Variants in RCC1 observed in about 807,000 individuals in gnomAD.
RCC1 encodes the protein regulator of chromosome condensation 1, also known as regulator of chromosome condensation.
A neutral mutation model predicts 44.4 loss-of-function variants in RCC1; 11 were observed. That is an observed-to-expected ratio of 0.25 (90% confidence interval 0.16 to 0.41). The LOEUF (loss-of-function observed/expected upper bound fraction) is 0.41. Among genes scored for constraint, RCC1 ranks in the 10% least tolerant of loss-of-function variants. The pLI is 1.00. For synonymous variants in RCC1, 213 were observed against 216.5 expected, an observed-to-expected ratio of 0.98 and a Z score of 0.14; for missense variants, 386 against 547.1, an observed-to-expected ratio of 0.71 and a Z score of 2.94.
At chr1:28,535,479 G>T (rs190842863) in intron 9 of RCC1, 99 bp downstream of exon 9, 1 of 1,563,486 alleles carries the variant, frequency 6.4e-7, no homozygotes, top group African/African-American at 1.3e-5. Context: ...GCTTGCATCA[G>T]ATGGGCTTGT....
rs965810321 is a variant in RCC1, at chr1:28,538,209, G to T, written c.*202G>T. ...TTTTCCTGGGACCTACAGAATAAAG[G>T]GGGGGATGGACAGGGGGTTTTCAAA... On this transcript the variant is annotated 3_prime_UTR_variant, in exon 13 of 13. Transcript: ENST00000683442. 4.1e-5 allele frequency: 21 copies of T among 509,770 alleles called. No homozygotes were observed. The highest frequency in any genetic ancestry group is 2.0e-4 in the East Asian group (6 of 30,620). 31.6% of individuals were successfully genotyped at this position (509,770 alleles called of 1,614,324 possible).
At position 28,538,168 on chromosome 1, in the gene RCC1, T is replaced by G; in HGVS notation, c.*161T>G. 5.4e-6 allele frequency: 3 copies of G among 552,294 alleles called. No individual in the cohort carries two copies. Among genetic ancestry groups the G allele is most frequent in the Non-Finnish European group, 3.0e-6 (1 of 334,158 alleles). 34.2% of individuals were successfully genotyped at this position (552,294 alleles called of 1,614,324 possible). On this transcript the variant is annotated 3_prime_UTR_variant, in exon 13 of 13. Transcript: ENST00000683442. Reference sequence around the variant, plus strand: ...GAACAGAATCCTTTTCCTCTTTTCCTTCCTCCTCTTTGGAATTTTCCTGGG... The same window carrying G: ...GAACAGAATCCTTTTCCTCTTTTCCGTCCTCCTCTTTGGAATTTTCCTGGG...
chr1:28,513,385 G>T (rs1281789023), intron 3 of RCC1, among the ~76,000 whole-genome samples: 1 of 151,970 alleles, frequency 6.6e-6, no homozygotes, highest in African/African-American at 2.4e-5. Flanking sequence ...AGTAGAGATG[G>T]GGTTTCACCA....
chr1:28,527,387 G>C (rs1193383419), intron 4 of RCC1, among the ~76,000 whole-genome samples: 3 of 152,138 alleles, frequency 2.0e-5, no homozygotes, highest in African/African-American at 7.2e-5. Context: ...CTTCAGGCGT[G>C]CACCACCATG....
rs147581580 is a variant in RCC1 at position 28,536,573 on chromosome 1, A to G, written c.938-174A>G. Among the ~76,000 whole-genome samples, 506 of 152,264 alleles carry G rather than the reference A, an allele frequency of 3.3e-3. 1 individual carries two copies. Among genetic ancestry groups the G allele is most frequent in the Non-Finnish European group, 6.4e-3 (437 of 68,012 alleles). ...CCAAGTGTGAGTTCAATGGGGGCCCATGTAGATTCTCCTAGGCCTCCTCCA... is the reference window on the plus strand; with the variant it reads ...CCAAGTGTGAGTTCAATGGGGGCCCGTGTAGATTCTCCTAGGCCTCCTCCA... On this transcript the variant is annotated intron_variant, in intron 11 of 12. Transcript: ENST00000683442. This position sits in a 1 kb window ranked among gnomAD's most constrained non-coding sequence, Gnocchi z 4.9.
intron 3 of RCC1, among the ~76,000 whole-genome samples, chr1:28,511,694 C>G (rs1260848125): frequency 6.7e-6 from 1 of 150,272 alleles, no homozygotes; most frequent in Admixed American, 6.7e-5. Flanking sequence ...TCTAATCTCA[C>G]TCTGTCTCCA....
intron 4 of RCC1, among the ~76,000 whole-genome samples, chr1:28,522,529 C>T (rs1260741090): frequency 2.0e-5 from 3 of 151,712 alleles, no homozygotes; most frequent in East Asian, 1.9e-4. Context: ...TGAATGAGGC[C>T]GGGCATGGTA....
chr1:28,508,548 T>C (rs1317169300), intron 2 of RCC1: 1 of 517,020 alleles, frequency 1.9e-6, no homozygotes, highest in African/African-American at 1.9e-5. Context: ...AATTCCTCAC[T>C]AATGAGCATT....
intron 5 of RCC1, among the ~76,000 whole-genome samples, chr1:28,531,304 G>A (rs374230643): frequency 1.6e-4 from 20 of 125,900 alleles, no homozygotes; most frequent in African/African-American, 5.7e-4. Flanking sequence ...TCACTCTGTC[G>A]CCCAGACTGG....
intron 3 of RCC1, among the ~76,000 whole-genome samples, chr1:28,514,126 C>T (rs1662723484): frequency 1.3e-5 from 2 of 150,688 alleles, no homozygotes; most frequent in South Asian, 4.2e-4. Context: ...GAGATCGTGC[C>T]AGCCTAGGCA....
intron 1 of RCC1, 117 bp downstream of exon 1, chr1:28,506,201 C>CT (rs56695711): frequency 0.14 from 52,350 of 367,252 alleles, 742 homozygotes; most frequent in African/African-American, 0.19. Flanking sequence ...TATTTATTTA[C>CT]TTTTTTTTTT....
chr1:28,530,493 C>G, intron 5 of RCC1: 1 of 1,580,338 alleles, frequency 6.3e-7, no homozygotes, highest in Non-Finnish European at 8.6e-7. Flanking sequence ...AAGTGTGGAC[C>G]CACGCTCAGA....
chr1:28,508,838 A>T lies in RCC1; in HGVS notation c.-220A>T. 1.9e-6 allele frequency: 1 copy of T among 517,216 alleles called. No individual in the cohort carries two copies. Among genetic ancestry groups the T allele is most frequent in the East Asian group, 5.5e-5 (1 of 18,334 alleles). 32.0% of individuals were successfully genotyped at this position (517,216 alleles called of 1,614,324 possible). A position where few individuals can be genotyped will look rare whatever the true frequency, so the allele number is the denominator to read the frequency against. On this transcript the variant is annotated 5_prime_UTR_variant, in exon 3 of 13. Coordinates refer to ENST00000683442, the MANE Select transcript of RCC1 (RefSeq NM_001381865.2). ...TATTTCTTTTCTTTTAGGAGAGAAG[A>T]CGATCTGCACTTCGCATTTTGGCAT... is the stretch of plus-strand genomic sequence containing the variant.
intron 3 of RCC1, 149 bp downstream of exon 3, chr1:28,509,054 C>T (rs1662288378): frequency 1.4e-5 from 5 of 369,184 alleles, no homozygotes. Flanking sequence ...GCTGCAACCT[C>T]AGCCTCCCAA....
chr1:28,509,268 TG>T (rs1662310001), intron 3 of RCC1: 1 of 213,240 alleles, frequency 4.7e-6, no homozygotes, highest in Admixed American at 5.3e-5. Context: ...ACTGTGTTGG[TG>T]GTTATATTAA....
intron 4 of RCC1, among the ~76,000 whole-genome samples, chr1:28,524,112 G>A (rs973457316): frequency 2.0e-5 from 3 of 152,320 alleles, no homozygotes; most frequent in Admixed American, 2.0e-4. Context: ...ACCGTGCCCG[G>A]CCACAAAGAT....
intron 4 of RCC1, among the ~76,000 whole-genome samples, chr1:28,529,182 CTTTT>C (rs568053824): frequency 3.7e-5 from 3 of 80,502 alleles, no homozygotes; most frequent in African/African-American, 1.1e-4. Context: ...CGCGCCCAGG[CTTTT>C]TTTTTTTTTT....
intron 1 of RCC1, chr1:28,506,449 T>A: frequency 2.9e-6 from 1 of 339,804 alleles, no homozygotes; most frequent in South Asian, 2.2e-5. Flanking sequence ...CCTTCCAAAG[T>A]GCTGGGATTA....
intron 4 of RCC1, among the ~76,000 whole-genome samples, chr1:28,519,939 C>G (rs940714878): frequency 2.6e-5 from 4 of 151,358 alleles, no homozygotes; most frequent in African/African-American, 7.3e-5. Flanking sequence ...GTGTCGTGCT[C>G]TCAGTCGCTG....
Sources: allele counts gnomAD v4.1 joint callset (sites outside exome capture counted in the v4.1 genomes callset), GRCh38; gene constraint gnomAD v4.1.1; non-coding constraint Gnocchi (gnomAD v3.1); transcripts MANE v1.5; gene names NCBI Gene and HGNC (gene_info 2026-07-23, HGNC 2026-07-21).